Variants in NAA11 observed in about 807,000 individuals in gnomAD.
NAA11 encodes N-alpha-acetyltransferase 11, NatA catalytic subunit.
Under a neutral mutation model 16.1 loss-of-function variants are expected in NAA11, and 15 were observed. That is an observed-to-expected ratio of 0.93 (90% CI 0.62 to 1.44). The LOEUF is 1.44. NAA11 is among the 40% of genes most tolerant of loss of function. NAA11 has a pLI of 0.00. For missense variants in NAA11, 298 were observed against 291.3 expected (o/e 1.02, Z -0.17); for synonymous variants, 122 against 112.4 (o/e 1.09, Z -0.54).
chr4:79,187,965 C>CTCCA, the NAA11 span, among the ~76,000 whole-genome samples: 3 of 136,166 alleles, frequency 2.2e-5, no homozygotes, highest in African/African-American at 8.5e-5. Context: ...CGCCACTGCA[C>CTCCA]TCCAGCCTGG....
intron 2 of NAA11, among the ~76,000 whole-genome samples, chr4:79,274,879 GC>G (rs1217887745): frequency 3.3e-5 from 5 of 151,948 alleles, no homozygotes; most frequent in Admixed American, 6.6e-5. Flanking sequence ...CTAATCTACA[GC>G]CAGGTATATA....
chr4:79,224,173 C>T (rs544356028), downstream of NAA11, among the ~76,000 whole-genome samples: 2 of 152,150 alleles, frequency 1.3e-5, no homozygotes, highest in African/African-American at 2.4e-5. Context: ...AGAGGTAAAG[C>T]ATGTTCAGCA....
chr4:79,253,943 T>C (rs1272279272), intron 2 of NAA11, among the ~76,000 whole-genome samples: 1 of 152,218 alleles, frequency 6.6e-6, no homozygotes, highest in Non-Finnish European at 1.5e-5. Flanking sequence ...ATCAGTAGCA[T>C]TGAATAAGAA....
chr4:79,323,833 A>G (rs183276093), intron 1 of NAA11, among the ~76,000 whole-genome samples: 1 of 149,658 alleles, frequency 6.7e-6, no homozygotes, highest in Non-Finnish European at 1.5e-5. Context: ...AAAAAGAAAA[A>G]AAGATACAAA....
the NAA11 span, among the ~76,000 whole-genome samples, chr4:79,167,268 T>G: frequency 0.075 from 8,683 of 115,444 alleles, 392 homozygotes; most frequent in South Asian, 0.1. Context: ...TATATATATA[T>G]ATAGAGAGAG....
At chr4:79,218,262 C>T in the NAA11 span, among the ~76,000 whole-genome samples, 1 of 151,968 alleles carries the variant, frequency 6.6e-6, no homozygotes, top group Non-Finnish European at 1.5e-5. Context: ...ATAACTTAAA[C>T]ATGTATGTAA....
chr4:79,315,496 G>A (rs934256143), downstream of NAA11, among the ~76,000 whole-genome samples: 18 of 152,134 alleles, frequency 1.2e-4, no homozygotes, highest in South Asian at 2.1e-4. Flanking sequence ...AAAACGTAGT[G>A]AGCTGATCAA....
At chr4:79,186,104 A>C in the NAA11 span, among the ~76,000 whole-genome samples, 1 of 152,154 alleles carries the variant, frequency 6.6e-6, no homozygotes, top group Non-Finnish European at 1.5e-5. Context: ...GTCTATGTGG[A>C]GATATTTCAG....
chr4:79,198,574 T>C, the NAA11 span, among the ~76,000 whole-genome samples: 9 of 151,960 alleles, frequency 5.9e-5, no homozygotes, highest in African/African-American at 1.4e-4. Flanking sequence ...CTAACCCTAG[T>C]TGGCATTTTC....
the NAA11 span, among the ~76,000 whole-genome samples, chr4:79,192,808 C>T: frequency 2.2e-4 from 33 of 150,118 alleles, no homozygotes; most frequent in East Asian, 6.3e-3. Context: ...GCCACACTGA[C>T]TTCCACAATG....
At chr4:79,158,070 C>G in the NAA11 span, among the ~76,000 whole-genome samples, 1 of 151,712 alleles carries the variant, frequency 6.6e-6, no homozygotes, top group Non-Finnish European at 1.5e-5. Flanking sequence ...CCTGCTAATT[C>G]TTTTTATTTT....
chr4:79,168,159 C>G, the NAA11 span, among the ~76,000 whole-genome samples: 2 of 152,024 alleles, frequency 1.3e-5, no homozygotes, highest in African/African-American at 4.8e-5. Flanking sequence ...CTGAGAATGA[C>G]AGTTTCCAGT....
chr4:79,177,962 A>G, the NAA11 span, among the ~76,000 whole-genome samples: 2 of 152,286 alleles, frequency 1.3e-5, no homozygotes, highest in South Asian at 4.1e-4. Context: ...TTTCTCATCT[A>G]GTCTAATTTA....
At position 79,248,995 on chromosome 4, in the gene NAA11, C is replaced by CG. The variant is rs962006294; in HGVS notation, c.*123-22726_*123-22725insC. 2.0e-5 allele frequency among the ~76,000 whole-genome samples: 3 copies of CG among 152,284 alleles called. No homozygotes were observed. The East Asian group carries it at 5.8e-4, about 29-fold the overall frequency. ...GAGCAGTCTGGGAGCACTTGAGCCC[C>CG]CCCCCAGTGCAGCAGGTTCCTAACT... On this transcript the variant is annotated intron_variant and NMD_transcript_variant, in intron 2 of 2. Coordinates refer to the NAA11 transcript ENST00000511542.
downstream of NAA11, among the ~76,000 whole-genome samples, chr4:79,314,641 T>TAAAAAAAAAAAA (rs375245497): frequency 1.0e-3 from 101 of 98,044 alleles, 7 homozygotes; most frequent in African/African-American, 3.9e-3. Flanking sequence ...TCCTTAAAAT[T>TAAAAAAAAAAAA]AAAAAAAAAA....
At chr4:79,309,404 A>G (rs903565020) in intron 1 of NAA11, among the ~76,000 whole-genome samples, 4 of 152,236 alleles carry the variant, frequency 2.6e-5, no homozygotes, top group African/African-American at 9.6e-5. Context: ...GTATTTTCCA[A>G]CTGAAAACTG....
At chr4:79,310,753 A>T (rs980488730) in intron 1 of NAA11, among the ~76,000 whole-genome samples, 2 of 152,236 alleles carry the variant, frequency 1.3e-5, no homozygotes, top group African/African-American at 4.8e-5. Context: ...TTATAGGAGC[A>T]AGTCTGCCAG....
chr4:79,169,143 A>C, the NAA11 span, among the ~76,000 whole-genome samples: 1 of 152,228 alleles, frequency 6.6e-6, no homozygotes, highest in African/African-American at 2.4e-5. Context: ...ATTCTCATGG[A>C]TAGGAAGAAT....
chr4:79,240,918 C>T (rs1290153139), intron 2 of NAA11, among the ~76,000 whole-genome samples: 1 of 152,130 alleles, frequency 6.6e-6, no homozygotes, highest in Non-Finnish European at 1.5e-5. Flanking sequence ...TAACTGAGGA[C>T]TCAGACACTT....
Sources: gnomAD v4.1 joint callset for allele counts (sites outside exome capture counted in the v4.1 genomes callset) on GRCh38, gnomAD v4.1.1 for gene constraint, MANE v1.5 for transcripts, NCBI Gene and HGNC (gene_info 2026-07-23, HGNC 2026-07-21) for gene names.